SYBU: variants seen among roughly 807,000 people sequenced by gnomAD.
SYBU encodes syntabulin, also known as GOLSYN A protein.
A neutral mutation model predicts 35.9 loss-of-function variants in SYBU; 21 were observed. The ratio of observed to expected loss-of-function variants is 0.58; its 90% CI spans 0.41 to 0.84. SYBU has a LOEUF of 0.84. SYBU is among the 40% of genes least tolerant of loss of function. The pLI is 0.00. For missense variants in SYBU, 768 were observed against 848.2 expected (o/e 0.91, Z 1.17); for synonymous variants, 319 against 324.3 (o/e 0.98, Z 0.18).
intron 6 of SYBU, among the ~76,000 whole-genome samples, 175 bp downstream of exon 6, chr8:109,577,693 A>T (rs777659365): frequency 1.5e-4 from 23 of 152,234 alleles, no homozygotes; most frequent in Non-Finnish European, 3.2e-4. Flanking sequence ...CTCCTGAAAC[A>T]GCCATATCAC....
At chr8:109,650,735 T>C (rs1816096132) in intron 1 of SYBU, among the ~76,000 whole-genome samples, 1 of 152,252 alleles carries the variant, frequency 6.6e-6, no homozygotes, top group African/African-American at 2.4e-5. Flanking sequence ...CTGGCCTATG[T>C]AGTTTCATCT....
chr8:109,611,634 A>C, intron 3 of SYBU, among the ~76,000 whole-genome samples: 1 of 152,242 alleles, frequency 6.6e-6, no homozygotes, highest in East Asian at 1.9e-4. Context: ...CTCTTGCTTA[A>C]GCTGACAAAC....
At chr8:109,667,283 A>AT (rs913486769) in intron 1 of SYBU, among the ~76,000 whole-genome samples, 1 of 151,768 alleles carries the variant, frequency 6.6e-6, no homozygotes, top group African/African-American at 2.4e-5. Context: ...CGCCTGGCTA[A>AT]TTTTTTGTAT....
chr8:109,687,841 T>C (rs1817555345), intron 1 of SYBU, among the ~76,000 whole-genome samples: 1 of 152,340 alleles, frequency 6.6e-6, no homozygotes, highest in Non-Finnish European at 1.5e-5. Context: ...AGTTCACATC[T>C]ACTCTCAATA....
chr8:109,645,627 T>TTG (rs1394599467), upstream of SYBU: 950 of 262,634 alleles, frequency 3.6e-3, 17 homozygotes, highest in African/African-American at 0.031. Context: ...TGTTGTTTCG[T>TTG]TTTTTGTTTT....
At chr8:109,669,892 T>C (rs1456072991) in intron 1 of SYBU, among the ~76,000 whole-genome samples, 1 of 152,242 alleles carries the variant, frequency 6.6e-6, no homozygotes, top group Non-Finnish European at 1.5e-5. Flanking sequence ...CTTTAATCTT[T>C]CAAAAACTGA....
At chr8:109,624,939 G>A (rs1812822454) in intron 2 of SYBU, among the ~76,000 whole-genome samples, 1 of 152,092 alleles carries the variant, frequency 6.6e-6, no homozygotes, top group South Asian at 2.1e-4. Context: ...TCTAGCCAAT[G>A]AAATAAAAAA....
chr8:109,582,492 C>T (rs985983336), intron 4 of SYBU, among the ~76,000 whole-genome samples: 1 of 152,086 alleles, frequency 6.6e-6, no homozygotes, highest in African/African-American at 2.4e-5. Context: ...AAACGCAGTC[C>T]ACAAAGAGGA....
intron 2 of SYBU, among the ~76,000 whole-genome samples, chr8:109,637,011 C>T (rs1272371449): frequency 6.6e-6 from 1 of 152,170 alleles, no homozygotes; most frequent in Non-Finnish European, 1.5e-5. Flanking sequence ...GATCCTTATT[C>T]ATCTTGTGAT....
At chr8:109,598,434 G>T (rs1339216763) in intron 3 of SYBU, among the ~76,000 whole-genome samples, 1 of 152,164 alleles carries the variant, frequency 6.6e-6, no homozygotes, top group East Asian at 1.9e-4. Flanking sequence ...TTTCATTAAT[G>T]ACAGTGTGAC....
intron 1 of SYBU, among the ~76,000 whole-genome samples, chr8:109,666,326 T>G (rs1389033731): frequency 2.0e-5 from 3 of 152,188 alleles, no homozygotes; most frequent in Non-Finnish European, 4.4e-5. Flanking sequence ...CATTGTAGGA[T>G]GTTTAGCAGC....
At chr8:109,685,687 C>T (rs1445565317), upstream of SYBU, among the ~76,000 whole-genome samples, 1 of 152,090 alleles carries the variant, frequency 6.6e-6, no homozygotes, top group African/African-American at 2.4e-5. Context: ...TTAAGTATTT[C>T]TTGACAATTT....
intron 1 of SYBU, among the ~76,000 whole-genome samples, chr8:109,676,305 A>G (rs1051010355): frequency 1.9e-4 from 29 of 152,176 alleles, no homozygotes; most frequent in Non-Finnish European, 5.9e-5. Context: ...GGCAAGAGAA[A>G]GAAATAAAGG....
intron 1 of SYBU, chr8:109,643,655 C>G (rs74647041): frequency 0.013 from 2,102 of 155,854 alleles, 51 homozygotes; most frequent in African/African-American, 0.048. Context: ...AAGTACCCTG[C>G]CATTTCGTGG....
chr8:109,592,733 T>C (rs779472842), intron 3 of SYBU, among the ~76,000 whole-genome samples: 1 of 152,252 alleles, frequency 6.6e-6, no homozygotes, highest in Non-Finnish European at 1.5e-5. Context: ...GAAGTAGCTA[T>C]AAAGCCCAGC....
chr8:109,663,987 T>C (rs148658039), intron 1 of SYBU, among the ~76,000 whole-genome samples: 5 of 152,212 alleles, frequency 3.3e-5, no homozygotes, highest in Non-Finnish European at 7.3e-5. Context: ...TATGGTATGA[T>C]CATTTGACAC....
At chr8:109,594,587 C>T (rs1824654502) in intron 3 of SYBU, among the ~76,000 whole-genome samples, 1 of 152,130 alleles carries the variant, frequency 6.6e-6, no homozygotes, top group African/African-American at 2.4e-5. Flanking sequence ...CATTCAACCC[C>T]CATCTTCATC....
At chr8:109,689,869 A>T (rs1180995487) in intron 1 of SYBU, among the ~76,000 whole-genome samples, 1 of 149,660 alleles carries the variant, frequency 6.7e-6, no homozygotes, top group Non-Finnish European at 1.5e-5. Context: ...TGACTATTAG[A>T]GACAGCTGGT....
intron 1 of SYBU, among the ~76,000 whole-genome samples, chr8:109,652,356 C>T (rs1380277814): frequency 1.5e-5 from 2 of 134,180 alleles, no homozygotes; most frequent in Admixed American, 1.4e-4. Flanking sequence ...CCTTTTTCTC[C>T]TCCTCCTCCT....
Sources: gnomAD v4.1 joint callset for allele counts (sites outside exome capture counted in the v4.1 genomes callset) on GRCh38, gnomAD v4.1.1 for gene constraint, MANE v1.5 for transcripts, NCBI Gene and HGNC (gene_info 2026-07-23, HGNC 2026-07-21) for gene names.